MAP4K3: variants seen among roughly 807,000 people sequenced by gnomAD.
The protein encoded by MAP4K3 is mitogen-activated protein kinase kinase kinase kinase 3.
A neutral mutation model predicts 143.5 loss-of-function variants in MAP4K3; 94 were observed. The ratio of observed to expected loss-of-function variants is 0.65; its 90% confidence interval spans 0.55 to 0.78. The LOEUF (loss-of-function observed/expected upper bound fraction) is 0.78, where lower values mean the gene tolerates loss of function less well. MAP4K3 is among the 30% of genes least tolerant of loss of function. MAP4K3 has a pLI of 0.00. For synonymous variants in MAP4K3, 416 were observed against 347.2 expected, an observed-to-expected ratio of 1.20 and a Z score of -2.20; for missense variants, 1,077 against 1,068.1, an observed-to-expected ratio of 1.01 and a Z score of -0.12.
At chr2:39,431,129 C>G (rs987124201) in intron 1 of MAP4K3, among the ~76,000 whole-genome samples, 4 of 152,176 alleles carry the variant, frequency 2.6e-5, no homozygotes, top group Admixed American at 2.6e-4. Flanking sequence ...TGTGGTGATA[C>G]ATGCCATAAT....
chr2:39,258,295 A>T, intron 31 of MAP4K3, 53 bp downstream of exon 31: 3 of 1,120,830 alleles, frequency 2.7e-6, no homozygotes, highest in Non-Finnish European at 3.9e-6. Context: ...TAATTAGCAG[A>T]TAAATTATTT....
intron 1 of MAP4K3, among the ~76,000 whole-genome samples, chr2:39,408,627 T>C (rs1020296901): frequency 1.7e-4 from 23 of 138,684 alleles, no homozygotes; most frequent in Non-Finnish European, 2.9e-4. Flanking sequence ...ATGAAAGAGA[T>C]TGCAGATATG....
intron 24 of MAP4K3, among the ~76,000 whole-genome samples, chr2:39,275,310 T>C (rs1255939854): frequency 6.6e-6 from 1 of 151,976 alleles, no homozygotes; most frequent in Non-Finnish European, 1.5e-5. Flanking sequence ...CAAAGTGAAA[T>C]CCCAGTCTCT....
chr2:39,317,096 G>A lies in MAP4K3; in HGVS notation c.919-1708C>T, dbSNP rs770538779. Among the ~76,000 whole-genome samples the A allele has an allele frequency of 1.7e-3, 254 of 152,034 alleles. 1 individual carries two copies. Among genetic ancestry groups the A allele is most frequent in the Non-Finnish European group, 3.0e-3 (207 of 67,976 alleles). On this transcript the variant is annotated intron_variant, in intron 12 of 33. Transcript: ENST00000263881. ...CCAATGGAACAGAACAGAGAGCCTA[G>A]AAATAAAGCCATACATCTACAACCA...
At chr2:39,320,717 T>A (rs1056843374) in intron 12 of MAP4K3, among the ~76,000 whole-genome samples, 2 of 152,210 alleles carry the variant, frequency 1.3e-5, no homozygotes, top group Admixed American at 1.3e-4. Flanking sequence ...CAAAAAACTT[T>A]TGCAGCTCCA....
chr2:39,347,485 A>G (rs975659988), intron 3 of MAP4K3, among the ~76,000 whole-genome samples: 1 of 152,200 alleles, frequency 6.6e-6, no homozygotes, highest in Non-Finnish European at 1.5e-5. Context: ...TCTGCTTAGA[A>G]TTAACAGAAT....
chr2:39,388,943 G>A (rs1252469221), intron 1 of MAP4K3, among the ~76,000 whole-genome samples: 1 of 151,780 alleles, frequency 6.6e-6, no homozygotes, highest in Admixed American at 6.6e-5. Flanking sequence ...AAGCATAAAA[G>A]GAAACAAACC....
intron 2 of MAP4K3, among the ~76,000 whole-genome samples, chr2:39,364,735 G>A (rs1399601853): frequency 6.6e-6 from 1 of 152,146 alleles, no homozygotes; most frequent in Non-Finnish European, 1.5e-5. Flanking sequence ...AGGCGTGATG[G>A]CATATGCCTA....
At chr2:39,303,163 C>G (rs946172471) in intron 15 of MAP4K3, 1 of 166,778 alleles carries the variant, frequency 6.0e-6, no homozygotes, top group African/African-American at 2.4e-5. Flanking sequence ...TATATCTTGA[C>G]CAAGAAAGAG....
intron 1 of MAP4K3, among the ~76,000 whole-genome samples, chr2:39,395,451 A>G (rs1666779973): frequency 6.6e-6 from 1 of 152,326 alleles, no homozygotes; most frequent in East Asian, 1.9e-4. Context: ...TCTGAAAAAG[A>G]AAATGGAATG....
At chr2:39,316,785 T>G (rs1395765652) in intron 12 of MAP4K3, among the ~76,000 whole-genome samples, 1 of 152,158 alleles carries the variant, frequency 6.6e-6, no homozygotes, top group Non-Finnish European at 1.5e-5. Context: ...GCAGAATTGA[T>G]TCTAAAATAG....
intron 3 of MAP4K3, among the ~76,000 whole-genome samples, chr2:39,354,597 G>C (rs2148550419): frequency 6.6e-6 from 1 of 152,076 alleles, no homozygotes; most frequent in Non-Finnish European, 1.5e-5. Context: ...CAGTCCGGGA[G>C]GTTGCACTGA....
At chr2:39,337,263 C>T (rs1664995444) in intron 5 of MAP4K3, among the ~76,000 whole-genome samples, 1 of 151,958 alleles carries the variant, frequency 6.6e-6, no homozygotes, top group Admixed American at 6.6e-5. Context: ...ATTTTCAAGC[C>T]TTTCTTTGGT....
At chr2:39,345,625 G>A (rs543386782) in intron 3 of MAP4K3, among the ~76,000 whole-genome samples, 3 of 151,992 alleles carry the variant, frequency 2.0e-5, no homozygotes, top group African/African-American at 7.2e-5. Flanking sequence ...AGAAAATAAT[G>A]CTAAAAAGAG....
At chr2:39,387,399 T>C (rs113088457) in intron 1 of MAP4K3, among the ~76,000 whole-genome samples, 37 of 152,360 alleles carry the variant, frequency 2.4e-4, no homozygotes, top group African/African-American at 8.9e-4. Context: ...ATTTAGATAT[T>C]GATATCTTTC....
At chr2:39,277,340 A>C (rs1681306624) in intron 24 of MAP4K3, among the ~76,000 whole-genome samples, 1 of 152,176 alleles carries the variant, frequency 6.6e-6, no homozygotes, top group Non-Finnish European at 1.5e-5. Flanking sequence ...ATTCATCATA[A>C]TTTAAGGTCC....
intron 1 of MAP4K3, among the ~76,000 whole-genome samples, chr2:39,432,004 A>G (rs1241983810): frequency 1.3e-5 from 2 of 152,216 alleles, no homozygotes; most frequent in Non-Finnish European, 2.9e-5. Flanking sequence ...CAAGAGATTT[A>G]ATATGATATA....
At chr2:39,365,392 G>C (rs1033475074) in intron 2 of MAP4K3, among the ~76,000 whole-genome samples, 1 of 151,844 alleles carries the variant, frequency 6.6e-6, no homozygotes, top group African/African-American at 2.4e-5. Context: ...CAGTCGGTTG[G>C]GGGGCTTAGA....
intron 26 of MAP4K3, among the ~76,000 whole-genome samples, chr2:39,271,310 C>T (rs1681007805): frequency 2.0e-5 from 3 of 151,932 alleles, no homozygotes; most frequent in African/African-American, 2.4e-5. Context: ...CTGGAAGAAA[C>T]GAACACAGCT....
Sources: allele counts gnomAD v4.1 joint callset (sites outside exome capture counted in the v4.1 genomes callset), GRCh38; gene constraint gnomAD v4.1.1; transcripts MANE v1.5; gene names NCBI Gene and HGNC (gene_info 2026-07-23, HGNC 2026-07-21).